The following DLG2 variants were observed in gnomAD, a reference collection of about 807,000 sequenced individuals.
The protein encoded by DLG2 is discs large MAGUK scaffold protein 2, also known as disks large homolog 2.
Under a neutral mutation model 132.5 loss-of-function variants are expected in DLG2, and 45 were observed. The observed-to-expected ratio is 0.34, with a 90% CI of 0.27 to 0.44. The LOEUF (loss-of-function observed/expected upper bound fraction) is 0.44, where lower values mean the gene tolerates loss of function less well. DLG2 is among the 20% of genes least tolerant of loss of function. The probability of loss-of-function intolerance (pLI) is 1.00; values close to 1 mark genes in which losing one functional copy is unlikely to be tolerated. For missense variants in DLG2, 1,045 were observed against 1,196.9 expected, an observed-to-expected ratio of 0.87 and a Z score of 1.87; for synonymous variants, 424 against 419.6, an observed-to-expected ratio of 1.01 and a Z score of -0.13.
intron 10 of DLG2, among the ~76,000 whole-genome samples, chr11:84,073,184 G>A (rs965794549): frequency 6.6e-6 from 1 of 152,102 alleles, no homozygotes; most frequent in Admixed American, 6.6e-5. Flanking sequence ...TGACATCTTT[G>A]CTGCCAGTAT....
chr11:83,480,426 C>T, intron 22 of DLG2: 2 of 1,534,212 alleles, frequency 1.3e-6, no homozygotes, highest in Non-Finnish European at 1.7e-6. Context: ...GCAAGAACAG[C>T]ACAGCAAATT....
chr11:83,610,847 A>T (rs959116254), intron 19 of DLG2, among the ~76,000 whole-genome samples: 5 of 152,214 alleles, frequency 3.3e-5, no homozygotes, highest in Non-Finnish European at 1.5e-5. Flanking sequence ...ACTGAGACTT[A>T]GAGAAAACAA....
At chr11:83,644,747 A>T (rs1252527925) in intron 18 of DLG2, among the ~76,000 whole-genome samples, 3 of 152,082 alleles carry the variant, frequency 2.0e-5, no homozygotes, top group African/African-American at 7.2e-5. Context: ...TGCTTATTTC[A>T]GTAATTTTTT....
intron 6 of DLG2, among the ~76,000 whole-genome samples, chr11:84,769,759 T>C (rs1330232688): frequency 1.3e-5 from 2 of 152,080 alleles, no homozygotes; most frequent in African/African-American, 4.8e-5. Context: ...CAAAGGAAAC[T>C]TAATCAGGCT....
At chr11:85,033,080 T>G (rs548033989) in intron 6 of DLG2, among the ~76,000 whole-genome samples, 20 of 152,306 alleles carry the variant, frequency 1.3e-4, no homozygotes, top group African/African-American at 4.8e-4. Context: ...TATTTATATG[T>G]GCTTTGGTGC....
intron 9 of DLG2, among the ~76,000 whole-genome samples, chr11:84,107,027 C>A (rs1176633470): frequency 7.0e-5 from 4 of 56,910 alleles, no homozygotes; most frequent in Non-Finnish European, 1.7e-4. Context: ...AGAGTTTTAG[C>A]CTTAGGGGAG....
At chr11:84,376,494 T>A (rs61897670) in intron 7 of DLG2, among the ~76,000 whole-genome samples, 7,882 of 151,950 alleles carry the variant, frequency 0.052, 277 homozygotes, top group Non-Finnish European at 0.075. Flanking sequence ...CAATTTTGAA[T>A]CCTTACTAAA....
At chr11:84,035,922 G>T (rs950601460) in intron 11 of DLG2, among the ~76,000 whole-genome samples, 1 of 152,048 alleles carries the variant, frequency 6.6e-6, no homozygotes. Flanking sequence ...TTCTGTTTTT[G>T]GCCTAAGCAA....
intron 6 of DLG2, among the ~76,000 whole-genome samples, chr11:84,613,967 G>A (rs1044017284): frequency 5.3e-5 from 8 of 152,080 alleles, no homozygotes; most frequent in Non-Finnish European, 1.2e-4. Flanking sequence ...CTTGCCTATG[G>A]ATCTTATGTT....
chr11:85,509,946 T>G (rs1048249410), intron 3 of DLG2: 2 of 151,836 alleles, frequency 1.3e-5, no homozygotes, highest in Non-Finnish European at 2.9e-5. Context: ...CGGCGCTCAC[T>G]TCAGCAGCAC....
chr11:83,489,376 T>TA (rs1174235302), intron 21 of DLG2, among the ~76,000 whole-genome samples: 6 of 151,754 alleles, frequency 4.0e-5, no homozygotes, highest in African/African-American at 1.5e-4. Flanking sequence ...AAGAAACCAA[T>TA]AAAAAATGGC....
chr11:84,899,612 A>G (rs983410141), intron 6 of DLG2, among the ~76,000 whole-genome samples: 10 of 152,100 alleles, frequency 6.6e-5, no homozygotes, highest in Admixed American at 5.9e-4. Flanking sequence ...GTTTATATAA[A>G]CCATTATATT....
At chr11:85,100,092 G>A (rs1186361316) in intron 6 of DLG2, among the ~76,000 whole-genome samples, 1 of 152,078 alleles carries the variant, frequency 6.6e-6, no homozygotes, top group Non-Finnish European at 1.5e-5. Context: ...TAAATTCTAT[G>A]CTCTTATTAA....
At chr11:84,006,294 A>G (rs2094568209) in intron 11 of DLG2, among the ~76,000 whole-genome samples, 1 of 151,592 alleles carries the variant, frequency 6.6e-6, no homozygotes, top group South Asian at 2.1e-4. Flanking sequence ...AGAAGCTGGG[A>G]AAGGTTGGTG....
At chr11:85,387,733 T>G (rs1256443478) in intron 3 of DLG2, among the ~76,000 whole-genome samples, 1 of 152,214 alleles carries the variant, frequency 6.6e-6, no homozygotes, top group East Asian at 1.9e-4. Context: ...AAGAGGGACA[T>G]ATCACTCTGA....
intron 6 of DLG2, among the ~76,000 whole-genome samples, chr11:84,947,704 T>A (rs1391472895): frequency 6.6e-6 from 1 of 152,252 alleles, no homozygotes; most frequent in Non-Finnish European, 1.5e-5. Context: ...TTCATTTACT[T>A]CCACAAATAT....
At chr11:85,527,810 C>A (rs2074895460) in intron 3 of DLG2, among the ~76,000 whole-genome samples, 1 of 152,198 alleles carries the variant, frequency 6.6e-6, no homozygotes, top group South Asian at 2.1e-4. Context: ...TACACTCCCG[C>A]CAACAATATA....
intron 19 of DLG2, among the ~76,000 whole-genome samples, chr11:83,571,265 T>C (rs1229115790): frequency 2.0e-5 from 3 of 152,070 alleles, no homozygotes; most frequent in African/African-American, 7.2e-5. Flanking sequence ...ACTCAAGCAA[T>C]TTAACAAATG....
intron 3 of DLG2, among the ~76,000 whole-genome samples, chr11:85,482,825 T>G (rs286499): frequency 0.88 from 134,046 of 152,140 alleles, 59,801 homozygotes; most frequent in Middle Eastern, 0.97. Flanking sequence ...AGCAGACCCA[T>G]GGTCCACCCC....
Sources: gnomAD v4.1 joint callset for allele counts (sites outside exome capture counted in the v4.1 genomes callset) on GRCh38, gnomAD v4.1.1 for gene constraint, MANE v1.5 for transcripts, NCBI Gene and HGNC (gene_info 2026-07-23, HGNC 2026-07-21) for gene names.